IGFL2: variants seen among roughly 807,000 people sequenced by gnomAD.
IGFL2 encodes IGF like family member 2, also known as insulin growth factor-like family member 2.
A neutral mutation model predicts 13.9 loss-of-function variants in IGFL2; 7 were observed. The observed-to-expected ratio is 0.51, with a 90% CI of 0.29 to 0.95. The LOEUF is 0.95. Ranked by LOEUF, IGFL2 falls within the 40% of genes least tolerant of loss-of-function variation. The pLI, the probability that IGFL2 is intolerant of heterozygous loss-of-function variation, is 0.08. For synonymous variants in IGFL2, 55 were observed against 55.8 expected, an observed-to-expected ratio of 0.99 and a Z score of 0.07; for missense variants, 138 against 147.8, an observed-to-expected ratio of 0.93 and a Z score of 0.34.
chr19:46,117,715 G>C, the IGFL2 span, among the ~76,000 whole-genome samples: 3 of 152,066 alleles, frequency 2.0e-5, no homozygotes, highest in African/African-American at 7.2e-5. Flanking sequence ...TCTTGACCTC[G>C]TGATCCACCC....
the IGFL2 span, among the ~76,000 whole-genome samples, chr19:46,198,858 G>A: frequency 6.6e-5 from 10 of 152,316 alleles, no homozygotes; most frequent in African/African-American, 2.4e-4. Flanking sequence ...TATCCCCTGG[G>A]AGGGGCTCCT....
At chr19:46,142,701 T>C (rs1972912069), upstream of IGFL2, among the ~76,000 whole-genome samples, 1 of 152,008 alleles carries the variant, frequency 6.6e-6, no homozygotes, top group Non-Finnish European at 1.5e-5. Flanking sequence ...CTCTGGAAAA[T>C]GGTAGGGAAG....
the IGFL2 span, among the ~76,000 whole-genome samples, chr19:46,080,376 ATC>A: frequency 2.0e-5 from 3 of 151,942 alleles, no homozygotes; most frequent in Non-Finnish European, 4.4e-5. Context: ...GGGAGATCCC[ATC>A]TCTATTTATT....
At chr19:46,202,556 G>T in the IGFL2 span, 1 of 152,334 alleles carries the variant, frequency 6.6e-6, no homozygotes, top group Non-Finnish European at 1.5e-5. Context: ...GGTGGTACTT[G>T]CCACCAAGGT....
At chr19:46,122,517 C>T in the IGFL2 span, among the ~76,000 whole-genome samples, 1 of 150,816 alleles carries the variant, frequency 6.6e-6, no homozygotes, top group African/African-American at 2.5e-5. Context: ...GTTTGTTTTC[C>T]ATAGTCAACA....
At chr19:46,127,739 C>T in the IGFL2 span, among the ~76,000 whole-genome samples, 30 of 150,656 alleles carry the variant, frequency 2.0e-4, no homozygotes, top group Non-Finnish European at 3.8e-4. Context: ...CATGCAATTT[C>T]TTTTTTTTTA....
the IGFL2 span, among the ~76,000 whole-genome samples, chr19:46,205,174 C>T: frequency 6.6e-6 from 1 of 152,120 alleles, no homozygotes. Flanking sequence ...GTAAGAAAGT[C>T]CTTGGTAAGG....
At chr19:46,088,485 C>T in the IGFL2 span, among the ~76,000 whole-genome samples, 1 of 152,182 alleles carries the variant, frequency 6.6e-6, no homozygotes, top group Non-Finnish European at 1.5e-5. Context: ...TATATTTACA[C>T]TTCGTGTTCA....
chr19:46,158,301 C>T (rs547264299), intron 1 of IGFL2, among the ~76,000 whole-genome samples: 30 of 152,160 alleles, frequency 2.0e-4, no homozygotes, highest in African/African-American at 5.8e-4. Flanking sequence ...CTCCGCCTCC[C>T]GGGTTCAAGT....
At chr19:46,137,633 TG>T in the IGFL2 span, 1 of 805,906 alleles carries the variant, frequency 1.2e-6, no homozygotes. Flanking sequence ...AGCAGGACCC[TG>T]CGTGACCCAG....
At chr19:46,078,783 G>A in the IGFL2 span, among the ~76,000 whole-genome samples, 58 of 152,380 alleles carry the variant, frequency 3.8e-4, no homozygotes, top group African/African-American at 1.3e-3. Flanking sequence ...TCAGAAAATG[G>A]AGAGCGGCGC....
chr19:46,160,023 C>T (rs1443554469), intron 1 of IGFL2: 1 of 257,670 alleles, frequency 3.9e-6, no homozygotes, highest in African/African-American at 2.2e-5. Flanking sequence ...ATCCTATCTC[C>T]AAGACAATCC....
chr19:46,206,521 A>C, the IGFL2 span, among the ~76,000 whole-genome samples: 1 of 152,180 alleles, frequency 6.6e-6, no homozygotes, highest in Non-Finnish European at 1.5e-5. Flanking sequence ...CCGGACAGGT[A>C]GTCAGTGATT....
the IGFL2 span, among the ~76,000 whole-genome samples, chr19:46,082,512 G>C: frequency 6.6e-6 from 1 of 152,166 alleles, no homozygotes; most frequent in Non-Finnish European, 1.5e-5. Flanking sequence ...GGAGAAATGC[G>C]GAGCTGATAC....
the IGFL2 span, chr19:46,180,652 C>G: frequency 6.6e-6 from 1 of 152,216 alleles, no homozygotes; most frequent in Non-Finnish European, 1.5e-5. Context: ...AGCTGAGGAG[C>G]AAGGAAGCCA....
At chr19:46,139,588 A>G (rs1464074633), upstream of IGFL2, among the ~76,000 whole-genome samples, 2 of 152,184 alleles carry the variant, frequency 1.3e-5, no homozygotes, top group Non-Finnish European at 2.9e-5. Flanking sequence ...CAGGACAAGT[A>G]ATAATGACAC....
chr19:46,188,938 G>C, the IGFL2 span, among the ~76,000 whole-genome samples: 7 of 152,194 alleles, frequency 4.6e-5, no homozygotes, highest in African/African-American at 1.7e-4. Context: ...AGAGTCCTGG[G>C]ATGTAGGGAC....
the IGFL2 span, chr19:46,214,229 T>C: frequency 2.0e-5 from 3 of 152,142 alleles, no homozygotes; most frequent in African/African-American, 7.2e-5. Flanking sequence ...GGACCTGAGT[T>C]CAACAAGCCC....
upstream of IGFL2, among the ~76,000 whole-genome samples, chr19:46,145,598 ATATGTGTGTG>A (rs1321373049): frequency 0.095 from 13,193 of 138,396 alleles, 613 homozygotes; most frequent in Non-Finnish European, 0.12. Context: ...ACACTCATAT[ATATGTGTGTG>A]TGTGTGTGTG....
Sources: allele counts gnomAD v4.1 joint callset (sites outside exome capture counted in the v4.1 genomes callset), GRCh38; gene constraint gnomAD v4.1.1; transcripts MANE v1.5; gene names NCBI Gene and HGNC (gene_info 2026-07-23, HGNC 2026-07-21).